STEAP3: variants seen among roughly 807,000 people sequenced by gnomAD.
STEAP3 encodes the protein metalloreductase STEAP3.
Under a neutral mutation model 34.9 loss-of-function variants are expected in STEAP3, and 35 were observed. That is an observed-to-expected ratio of 1.00 (90% CI 0.76 to 1.33). STEAP3 has a LOEUF of 1.33. Ranked by LOEUF, STEAP3 falls within the 40% of genes most tolerant of loss-of-function variation. The pLI is 0.00. For synonymous variants in STEAP3, 281 were observed against 301.6 expected (o/e 0.93, Z 0.71); for missense variants, 652 against 667.6 (o/e 0.98, Z 0.26).
chr2:119,252,967 T>C (rs1677669944), intron 4 of STEAP3, among the ~76,000 whole-genome samples: 1 of 152,230 alleles, frequency 6.6e-6, no homozygotes, highest in Non-Finnish European at 1.5e-5. Flanking sequence ...GAATGACTAA[T>C]GAAGCAGAGT....
intron 3 of STEAP3, among the ~76,000 whole-genome samples, chr2:119,247,404 C>T (rs186705197): frequency 1.5e-3 from 224 of 152,336 alleles, no homozygotes; most frequent in African/African-American, 5.3e-3. Flanking sequence ...CTGATGTCCA[C>T]GAGCTGGGCA....
chr2:119,226,765 T>A lies in STEAP3; in HGVS notation c.-394+2877T>A, dbSNP rs1162970378. On this transcript the variant is annotated intron_variant, in intron 1 of 5. Coordinates refer to ENST00000393110, the MANE Select transcript of STEAP3 (RefSeq NM_182915.3). ...CACACCCTCACCATCCTGCCTGAAA[T>A]GCCAGTCCTCATCACTGACATTCAG... is the stretch of plus-strand genomic sequence containing the variant. Among the ~76,000 whole-genome samples the A allele has an allele frequency of 2.6e-5, 4 of 152,144 alleles. No homozygotes were observed. In the East Asian group the frequency reaches 7.7e-4, roughly 29 times the overall value.
In STEAP3 at chr2:119,248,264, T is replaced by C. The variant is rs60161463; in HGVS notation, c.1050+58T>C. 2.3e-3 allele frequency: 2,977 copies of C among 1,319,930 alleles called. 33 individuals are homozygous for C. The highest frequency in any genetic ancestry group is 0.013 in the Middle Eastern group (62 of 4,792). 81.8% of individuals were successfully genotyped at this position (1,319,930 alleles called of 1,614,324 possible). A position where few individuals can be genotyped will look rare whatever the true frequency, so the allele number is the denominator to read the frequency against. On this transcript the variant is annotated intron_variant, in intron 4 of 5. Transcript: ENST00000393110. ...ACTCAGCACATGCTTGTCCAGCACCTCCCCCCCCCACCAACCAGGTGCAGC... is the reference window on the plus strand; with the variant it reads ...ACTCAGCACATGCTTGTCCAGCACCCCCCCCCCCCACCAACCAGGTGCAGC...
chr2:119,256,340 A>G (rs950891048), intron 5 of STEAP3, among the ~76,000 whole-genome samples: 1 of 152,048 alleles, frequency 6.6e-6, no homozygotes, highest in Non-Finnish European at 1.5e-5. Context: ...AGCATACGAG[A>G]AGGGGAAGAA....
chr2:119,256,522 C>T (rs1395818272), intron 5 of STEAP3, among the ~76,000 whole-genome samples: 1 of 152,230 alleles, frequency 6.6e-6, no homozygotes, highest in Non-Finnish European at 1.5e-5. Flanking sequence ...CATGCCCTGG[C>T]TCTGCCTGCC....
intron 4 of STEAP3, among the ~76,000 whole-genome samples, chr2:119,249,426 C>T (rs1263269650): frequency 6.6e-6 from 1 of 152,124 alleles, no homozygotes; most frequent in Non-Finnish European, 1.5e-5. Flanking sequence ...ATTCCACCTC[C>T]AGTGCCCAGC....
chr2:119,224,616 G>A (rs756664520), intron 1 of STEAP3, among the ~76,000 whole-genome samples: 2 of 152,200 alleles, frequency 1.3e-5, no homozygotes, highest in Non-Finnish European at 2.9e-5. Flanking sequence ...CCAGAAAGCC[G>A]GATCCGTGGG....
At chr2:119,257,442 G>T (rs1158412791) in intron 5 of STEAP3, 10 of 1,495,044 alleles carry the variant, frequency 6.7e-6, no homozygotes, top group East Asian at 2.6e-5. Context: ...TGACTGATAG[G>T]TGCGCATGCC....
At chr2:119,251,226 C>G (rs1182844252) in intron 4 of STEAP3, among the ~76,000 whole-genome samples, 1 of 152,176 alleles carries the variant, frequency 6.6e-6, no homozygotes, top group African/African-American at 2.4e-5. Flanking sequence ...ACCACAGGGT[C>G]CCCACATGGC....
intron 2 of STEAP3, 106 bp from the exon 3 acceptor site, chr2:119,245,383 G>A: frequency 2.7e-6 from 4 of 1,477,658 alleles, no homozygotes; most frequent in Non-Finnish European, 3.6e-6. Context: ...ACACCTGCTG[G>A]GTGAATGTCT....
chr2:119,252,348 C>T (rs1272140809), intron 4 of STEAP3, among the ~76,000 whole-genome samples: 2 of 152,236 alleles, frequency 1.3e-5, no homozygotes, highest in Non-Finnish European at 2.9e-5. Flanking sequence ...GGCCTATGGT[C>T]TCTATGCCCC....
chr2:119,229,019 T>G (rs760303173), intron 1 of STEAP3, among the ~76,000 whole-genome samples: 3 of 152,150 alleles, frequency 2.0e-5, no homozygotes, highest in Admixed American at 6.5e-5. Context: ...CCAGCAGCTT[T>G]GACAGGAAAA....
At chr2:119,231,165 C>G in intron 2 of STEAP3, 131 bp downstream of exon 2, 1 of 1,169,804 alleles carries the variant, frequency 8.5e-7, no homozygotes, top group Non-Finnish European at 1.3e-6. Flanking sequence ...CCGAGGAACT[C>G]GACACCTCCC....
intron 1 of STEAP3, among the ~76,000 whole-genome samples, chr2:119,226,754 C>G (rs74880745): frequency 0.014 from 2,082 of 152,272 alleles, 19 homozygotes; most frequent in Non-Finnish European, 0.022. Flanking sequence ...CCCTCACCAT[C>G]CTGCCTGAAA....
At chr2:119,227,911 C>T (rs1679092480) in intron 1 of STEAP3, among the ~76,000 whole-genome samples, 1 of 152,040 alleles carries the variant, frequency 6.6e-6, no homozygotes, top group Non-Finnish European at 1.5e-5. Flanking sequence ...CTCACTGCAA[C>T]CTCTGCCTCC....
intron 2 of STEAP3, among the ~76,000 whole-genome samples, chr2:119,241,714 A>T (rs983198342): frequency 9.9e-5 from 15 of 152,164 alleles, no homozygotes; most frequent in African/African-American, 3.4e-4. Flanking sequence ...CGGCCTCCAT[A>T]TCAGCTCCCT....
At position 119,227,202 on chromosome 2, in the gene STEAP3, G is replaced by A. The variant is rs541781143; in HGVS notation, c.-394+3314G>A. ...CCTATAGCTCATGTGAGTGAGCAAG[G>A]ATGCAAAACCAAAGACACCCGCTCC... On this transcript the variant is annotated intron_variant, in intron 1 of 5. Transcript: ENST00000393110. 2.2e-4 allele frequency among the ~76,000 whole-genome samples: 33 copies of A among 152,228 alleles called. No homozygotes were observed. The South Asian group carries it at 6.6e-3, about 31-fold the overall frequency.
At chr2:119,235,834 TC>T (rs1231991472) in intron 2 of STEAP3, among the ~76,000 whole-genome samples, 1 of 152,148 alleles carries the variant, frequency 6.6e-6, no homozygotes, top group Non-Finnish European at 1.5e-5. Context: ...GGCATGACTG[TC>T]CTCGGCAGGG....
At chr2:119,257,021 G>A (rs911701945) in intron 5 of STEAP3, among the ~76,000 whole-genome samples, 1 of 152,132 alleles carries the variant, frequency 6.6e-6, no homozygotes, top group African/African-American at 2.4e-5. Flanking sequence ...AGTTCAGTAG[G>A]AGACAGTGAG....
Sources: allele counts gnomAD v4.1 joint callset (sites outside exome capture counted in the v4.1 genomes callset), GRCh38; gene constraint gnomAD v4.1.1; transcripts MANE v1.5; gene names NCBI Gene and HGNC (gene_info 2026-07-23, HGNC 2026-07-21).